Variants in ZNF385B observed in about 807,000 individuals in gnomAD.
ZNF385B encodes zinc finger protein 533.
In ZNF385B, 23 loss-of-function variants were observed where a neutral mutation model predicts 39.2. That is an observed-to-expected ratio of 0.59 (90% CI 0.42 to 0.83). The LOEUF is 0.83. ZNF385B is among the 40% of genes least tolerant of loss of function. The pLI is 0.00. For missense variants in ZNF385B, 552 were observed against 598.9 expected (o/e 0.92, Z 0.82); for synonymous variants, 205 against 222.6 (o/e 0.92, Z 0.70).
chr2:179,827,159 T>A (rs1319740945), intron 1 of ZNF385B, among the ~76,000 whole-genome samples: 2 of 152,216 alleles, frequency 1.3e-5, no homozygotes, highest in Non-Finnish European at 2.9e-5. Context: ...TATGTAAATA[T>A]GATAGGCATG....
chr2:179,667,839 C>T (rs1188370301), intron 3 of ZNF385B, among the ~76,000 whole-genome samples: 1 of 152,126 alleles, frequency 6.6e-6, no homozygotes, highest in African/African-American at 2.4e-5. Context: ...TATGATTTTC[C>T]AGGTAACTGA....
intron 3 of ZNF385B, among the ~76,000 whole-genome samples, chr2:179,580,802 C>A (rs981713153): frequency 6.6e-6 from 1 of 152,150 alleles, no homozygotes; most frequent in East Asian, 1.9e-4. Flanking sequence ...GCTGCCCAAG[C>A]AAACTAATAT....
At chr2:179,520,237 C>G (rs1359274332) in intron 4 of ZNF385B, among the ~76,000 whole-genome samples, 2 of 151,732 alleles carry the variant, frequency 1.3e-5, no homozygotes, top group East Asian at 3.9e-4. Context: ...GATGGTTACA[C>G]AAATCTATAC....
At chr2:179,841,285 A>G (rs1443731022) in intron 1 of ZNF385B, among the ~76,000 whole-genome samples, 2 of 152,216 alleles carry the variant, frequency 1.3e-5, no homozygotes, top group Admixed American at 1.3e-4. Flanking sequence ...AGAAAGGGGG[A>G]AAATGGTTGA....
intron 3 of ZNF385B, among the ~76,000 whole-genome samples, chr2:179,651,934 C>T (rs370282462): frequency 3.0e-4 from 45 of 152,022 alleles, no homozygotes; most frequent in Admixed American, 1.2e-3. Context: ...CAGAAAACAA[C>T]GGAACGGAAA....
At chr2:179,476,365 G>A (rs900152243) in intron 6 of ZNF385B, among the ~76,000 whole-genome samples, 2 of 152,180 alleles carry the variant, frequency 1.3e-5, no homozygotes, top group East Asian at 1.9e-4. Context: ...AAATAAATTC[G>A]AATGAGGGTG....
chr2:179,636,207 C>A (rs1691736772), intron 3 of ZNF385B, among the ~76,000 whole-genome samples: 1 of 152,154 alleles, frequency 6.6e-6, no homozygotes, highest in Non-Finnish European at 1.5e-5. Flanking sequence ...ACCATTTCTC[C>A]TTTACTGACT....
intron 3 of ZNF385B, among the ~76,000 whole-genome samples, chr2:179,767,072 T>A (rs1342252187): frequency 3.9e-5 from 6 of 152,138 alleles, no homozygotes; most frequent in Non-Finnish European, 7.3e-5. Context: ...GACACAATCT[T>A]GCCAGGACTA....
intron 3 of ZNF385B, among the ~76,000 whole-genome samples, chr2:179,559,718 C>T (rs1425290355): frequency 6.6e-6 from 1 of 152,004 alleles, no homozygotes; most frequent in African/African-American, 2.4e-5. Context: ...GAAGTGATCA[C>T]ATAGTAAAGC....
Position 179,443,365 on chromosome 2 carries a change from G to A in ZNF385B, c.1346C>T (p.Pro449Leu). 1 of 1,612,406 alleles carries A rather than the reference G, an allele frequency of 6.2e-7. No homozygotes were observed. The highest frequency in any genetic ancestry group is 8.5e-7 in the Non-Finnish European group (1 of 1,179,412). Residue 449 changes from proline (P) to leucine (L), a missense_variant, in exon 10 of 10, where the codon CCA becomes CTA. By Grantham distance (98) the Pro-to-Leu change is moderately conservative (BLOSUM62 -3). Transcript: ENST00000410066. ...AAAVSSALSL[P>L]PRPSASLFQA... is the part of the protein sequence containing the mutation. Reference sequence around the variant, plus strand: ...GAAGAGCGAGGCAGAGGGCCGGGGTGGGAGTGACAGCGCTGAGGACACGGC... The same window carrying A: ...GAAGAGCGAGGCAGAGGGCCGGGGTAGGAGTGACAGCGCTGAGGACACGGC...
chr2:179,502,942 T>C (rs936983964), intron 5 of ZNF385B, among the ~76,000 whole-genome samples: 22 of 152,192 alleles, frequency 1.4e-4, no homozygotes, highest in African/African-American at 5.1e-4. Context: ...GGTGGGATCA[T>C]GGCTCACTGC....
chr2:179,508,772 A>C (rs898111494), intron 5 of ZNF385B, among the ~76,000 whole-genome samples: 16 of 152,158 alleles, frequency 1.1e-4, no homozygotes, highest in African/African-American at 3.9e-4. Context: ...ACATCATATT[A>C]GGCTGATCAC....
chr2:179,536,613 C>T (rs1473771324), intron 4 of ZNF385B: 1 of 152,124 alleles, frequency 6.6e-6, no homozygotes, highest in Non-Finnish European at 1.5e-5. Flanking sequence ...AATGAATTGA[C>T]TGTTCACTAT....
chr2:179,611,427 C>T (rs113597653), intron 3 of ZNF385B, among the ~76,000 whole-genome samples: 1 of 150,208 alleles, frequency 6.7e-6, no homozygotes, highest in African/African-American at 2.5e-5. Context: ...TTATCATTGT[C>T]ATTGAATTCA....
intron 3 of ZNF385B, among the ~76,000 whole-genome samples, chr2:179,691,936 A>G (rs1698388105): frequency 6.6e-6 from 1 of 152,196 alleles, no homozygotes; most frequent in African/African-American, 2.4e-5. Flanking sequence ...CAAGCATACA[A>G]TGTGTAATGA....
At chr2:179,702,903 A>C (rs1024847978) in intron 3 of ZNF385B, among the ~76,000 whole-genome samples, 8 of 152,172 alleles carry the variant, frequency 5.3e-5, no homozygotes, top group African/African-American at 1.9e-4. Context: ...CAGTATCATA[A>C]ACAAACATCT....
chr2:179,454,092 A>T (rs1202589474), intron 6 of ZNF385B, among the ~76,000 whole-genome samples: 1 of 152,210 alleles, frequency 6.6e-6, no homozygotes, highest in Admixed American at 6.6e-5. Flanking sequence ...GTTCAATTGG[A>T]TAAGAGCCTA....
At chr2:179,745,624 G>T (rs1533384) in intron 3 of ZNF385B, 1 of 1,133,368 alleles carries the variant, frequency 8.8e-7, no homozygotes, top group South Asian at 2.1e-5. Flanking sequence ...CACAATTGAG[G>T]ACTCCACAGG....
intron 3 of ZNF385B, among the ~76,000 whole-genome samples, chr2:179,668,957 C>T (rs1278167721): frequency 6.6e-6 from 1 of 151,944 alleles, no homozygotes; most frequent in Non-Finnish European, 1.5e-5. Context: ...AAAAGGAAAG[C>T]TTAAAAAGTA....
Sources: allele counts gnomAD v4.1 joint callset (sites outside exome capture counted in the v4.1 genomes callset), GRCh38; gene constraint gnomAD v4.1.1; transcripts MANE v1.5; gene names NCBI Gene and HGNC (gene_info 2026-07-23, HGNC 2026-07-21).